Variants in LRIF1 observed in about 807,000 individuals in gnomAD.
The protein encoded by LRIF1 is ligand-dependent nuclear receptor-interacting factor 1.
Under a neutral mutation model 52.7 loss-of-function variants are expected in LRIF1, and 32 were observed. The ratio of observed to expected loss-of-function variants is 0.61; its 90% CI spans 0.46 to 0.82. The LOEUF is 0.82. Among genes scored for constraint, LRIF1 ranks in the 40% least tolerant of loss-of-function variants. The pLI, the probability that LRIF1 is intolerant of heterozygous loss-of-function variation, is 0.00. For synonymous variants in LRIF1, 323 were observed against 317.4 expected, an observed-to-expected ratio of 1.02 and a Z score of -0.19; for missense variants, 887 against 892.0, an observed-to-expected ratio of 0.99 and a Z score of 0.07.
the LRIF1 span, among the ~76,000 whole-genome samples, chr1:110,875,211 G>A: frequency 6.6e-6 from 1 of 152,300 alleles, no homozygotes; most frequent in African/African-American, 2.4e-5. Flanking sequence ...TTAGAAATGA[G>A]AGAAAGCAAG....
the LRIF1 span, among the ~76,000 whole-genome samples, chr1:110,891,910 GTACTT>G: frequency 6.6e-6 from 1 of 152,150 alleles, no homozygotes; most frequent in Non-Finnish European, 1.5e-5. Context: ...GGATGGGTTG[GTACTT>G]GTGTATATGA....
chr1:110,951,890 T>C lies in LRIF1; in HGVS notation c.994A>G (p.Ile332Val), dbSNP rs201504398. The C allele has an allele frequency of 3.7e-6, 6 of 1,613,860 alleles. No individual in the cohort carries two copies. The highest frequency in any genetic ancestry group is 1.3e-5 in the African/African-American group (1 of 74,940). The stretch of plus-strand genomic sequence containing the variant: ...ATGGTACTCAATGGTGGCATATTTA[T>C]AGTATTATCTCCCAAATTTTTCCTA... ...VDRKNLGDNTINMPPLSTIDP... is the reference protein window; with the variant it reads ...VDRKNLGDNTVNMPPLSTIDP... Residue 332 changes from isoleucine (I) to valine (V), a missense_variant, in exon 2 of 4, where the codon ATA becomes GTA. Transcript: ENST00000369763.
At chr1:110,887,365 AT>A in the LRIF1 span, among the ~76,000 whole-genome samples, 343 of 152,134 alleles carry the variant, frequency 2.3e-3, 1 homozygote, top group African/African-American at 7.8e-3. Flanking sequence ...CGCCCAGCCT[AT>A]TTTTTTGAAA....
At chr1:110,878,641 A>G in the LRIF1 span, among the ~76,000 whole-genome samples, 4 of 152,194 alleles carry the variant, frequency 2.6e-5, no homozygotes, top group African/African-American at 7.2e-5. Context: ...GTTTGAATGG[A>G]GTAAGAAATG....
the LRIF1 span, among the ~76,000 whole-genome samples, chr1:110,887,344 G>A: frequency 5.3e-5 from 8 of 152,220 alleles, no homozygotes; most frequent in Admixed American, 1.3e-4. Flanking sequence ...GATTACAGGC[G>A]TGAGCCACCG....
At chr1:110,917,901 T>C in the LRIF1 span, among the ~76,000 whole-genome samples, 8,491 of 152,128 alleles carry the variant, frequency 0.056, 287 homozygotes, top group East Asian at 0.14. Context: ...TTCAGCAACA[T>C]ATAAATGGTG....
At chr1:110,890,952 A>C in the LRIF1 span, among the ~76,000 whole-genome samples, 1 of 152,276 alleles carries the variant, frequency 6.6e-6, no homozygotes, top group East Asian at 1.9e-4. Flanking sequence ...TAGCATGTAC[A>C]TAAATCACAG....
the LRIF1 span, among the ~76,000 whole-genome samples, chr1:110,895,478 G>A: frequency 1.3e-5 from 2 of 151,982 alleles, no homozygotes; most frequent in African/African-American, 4.8e-5. Flanking sequence ...ACCCACAAAC[G>A]TGTATATGTA....
chr1:110,909,573 C>CTT, the LRIF1 span, among the ~76,000 whole-genome samples: 4,512 of 77,966 alleles, frequency 0.058, 183 homozygotes, highest in East Asian at 0.12. Context: ...GCAGGGGTAG[C>CTT]TTTTTTTTTT....
the LRIF1 span, among the ~76,000 whole-genome samples, chr1:110,908,812 T>C: frequency 1.3e-5 from 2 of 152,344 alleles, no homozygotes; most frequent in African/African-American, 4.8e-5. Flanking sequence ...TGGAAACATA[T>C]TTAAGGATAT....
At chr1:110,928,665 G>A in the LRIF1 span, among the ~76,000 whole-genome samples, 1 of 152,122 alleles carries the variant, frequency 6.6e-6, no homozygotes, top group African/African-American at 2.4e-5. Context: ...TAAACAAAGT[G>A]GTGGGGACAG....
chr1:110,896,629 T>C, the LRIF1 span: 14 of 1,608,538 alleles, frequency 8.7e-6, no homozygotes, highest in Non-Finnish European at 1.2e-5. Flanking sequence ...CTAACCATCA[T>C]CATTTTGGGG....
the LRIF1 span, among the ~76,000 whole-genome samples, chr1:110,886,634 A>T: frequency 6.6e-6 from 1 of 151,852 alleles, no homozygotes; most frequent in East Asian, 1.9e-4. Flanking sequence ...GGGTCACTTG[A>T]GGTCAGGCAT....
the LRIF1 span, among the ~76,000 whole-genome samples, chr1:110,885,765 G>A: frequency 2.6e-5 from 4 of 151,470 alleles, no homozygotes; most frequent in Admixed American, 1.3e-4. Context: ...TCAGGAGGCT[G>A]AGGCATGAGA....
the LRIF1 span, chr1:110,896,543 A>C: frequency 1.0e-6 from 1 of 958,148 alleles, no homozygotes; most frequent in South Asian, 1.4e-5. Flanking sequence ...CCAATTCTGG[A>C]CTTCTGCTAT....
the LRIF1 span, among the ~76,000 whole-genome samples, chr1:110,885,500 T>C: frequency 6.6e-6 from 1 of 151,976 alleles, no homozygotes; most frequent in African/African-American, 2.4e-5. Context: ...ATCGCGCCAC[T>C]GCACTCCAGC....
the LRIF1 span, among the ~76,000 whole-genome samples, chr1:110,912,307 G>A: frequency 6.6e-6 from 1 of 152,048 alleles, no homozygotes; most frequent in Non-Finnish European, 1.5e-5. Flanking sequence ...CACCTACTGG[G>A]TTCAAGCGAT....
chr1:110,895,084 C>T, the LRIF1 span: 3 of 1,495,986 alleles, frequency 2.0e-6, no homozygotes, highest in East Asian at 4.5e-5. Flanking sequence ...CTCTTCAGAT[C>T]AGCCCAGACT....
chr1:110,937,939 G>A, the LRIF1 span: 414 of 152,144 alleles, frequency 2.7e-3, 2 homozygotes, highest in African/African-American at 8.9e-3. Context: ...GCAACTATAT[G>A]CCAATAAATT....
Sources: allele counts gnomAD v4.1 joint callset (sites outside exome capture counted in the v4.1 genomes callset), GRCh38; gene constraint gnomAD v4.1.1; transcripts MANE v1.5; gene names NCBI Gene and HGNC (gene_info 2026-07-23, HGNC 2026-07-21).